Variants in PFKP observed in about 807,000 individuals in gnomAD.
PFKP encodes the protein ATP-dependent 6-phosphofructokinase, platelet type.
A neutral mutation model predicts 94.3 loss-of-function variants in PFKP; 101 were observed. The observed-to-expected ratio is 1.07, with a 90% CI of 0.91 to 1.26. PFKP has a LOEUF of 1.26. PFKP is among the 50% of genes most tolerant of loss of function. PFKP has a pLI of 0.00. For missense variants in PFKP, 1,145 were observed against 1,103.3 expected (o/e 1.04, Z -0.53); for synonymous variants, 573 against 432.6 (o/e 1.32, Z -4.03).
intron 17 of PFKP, among the ~76,000 whole-genome samples, chr10:3,131,420 A>G (rs1838576363): frequency 6.6e-6 from 1 of 152,206 alleles, no homozygotes; most frequent in Non-Finnish European, 1.5e-5. Flanking sequence ...AGCGCTCAGC[A>G]TGGCAAGGGC....
At chr10:3,124,070 G>A (rs1201678504) in intron 16 of PFKP, among the ~76,000 whole-genome samples, 6 of 136,978 alleles carry the variant, frequency 4.4e-5, no homozygotes, top group East Asian at 2.3e-4. Context: ...CCCACTGTCC[G>A]AAGCCCTCGG....
chr10:3,109,454 C>T lies in PFKP; in HGVS notation c.1063C>T (p.Leu355=), dbSNP rs534922571. The part of the protein sequence containing the change: ...VSLNGNHAVR[L]PLMECVQMTQ... ...ACTGAACGGGAACCACGCCGTGCGC[C>T]TGCCGCTGATGGAGTGCGTGCAGAT... The change falls in exon 10 of 22, where the codon CTG becomes TTG. Residue 355 remains leucine, a synonymous_variant. Transcript: ENST00000381125. The T allele has an allele frequency of 9.3e-6, 15 of 1,606,878 alleles. No homozygotes were observed. The highest frequency in any genetic ancestry group is 5.5e-5 in the South Asian group (5 of 91,026).
At chr10:3,124,436 GC>G (rs1456067487) in intron 16 of PFKP, among the ~76,000 whole-genome samples, 7 of 152,202 alleles carry the variant, frequency 4.6e-5, no homozygotes, top group African/African-American at 1.7e-4. Context: ...TGATACCGGA[GC>G]GCATTTCCCA....
intron 10 of PFKP, among the ~76,000 whole-genome samples, chr10:3,110,962 GTGTGTGCA>G (rs1836164900): frequency 6.6e-6 from 1 of 150,922 alleles, no homozygotes; most frequent in Non-Finnish European, 1.5e-5. Flanking sequence ...GCATGTTAGT[GTGTGTGCA>G]TGTGTGTATA....
At position 3,101,546 on chromosome 10, in the gene PFKP, CCAG is replaced by C; in HGVS notation, c.447_449del (p.Arg150del). ...TGGAGTGGGCTGCTGGAGGAGCTGG[CCAG>C]GAACGGTGAGTGGACACCTGCTCCT... On this transcript the variant is annotated inframe_deletion, in exon 4 of 22. Coordinates refer to ENST00000381125, the MANE Select transcript of PFKP (RefSeq NM_002627.5). The C allele has an allele frequency of 2.6e-6, 4 of 1,542,244 alleles. No individual in the cohort carries two copies. Among genetic ancestry groups the C allele is most frequent in the South Asian group, 1.3e-5 (1 of 79,390 alleles).
At position 3,122,699 on chromosome 10, in the gene PFKP, C is replaced by T. The variant is rs530385705; in HGVS notation, c.1683+2655C>T. Among the ~76,000 whole-genome samples the T allele has an allele frequency of 2.6e-5, 4 of 152,324 alleles. No homozygotes were observed. The East Asian group carries it at 5.8e-4, about 22-fold the overall frequency. ...ACCCTCTGTGACTGGTGACTCATGG[C>T]ATGGCCCTGGGCAGCATTTAGGTTT... is the stretch of plus-strand genomic sequence containing the variant. On this transcript the variant is annotated intron_variant, in intron 16 of 21. Coordinates refer to ENST00000381125, the MANE Select transcript of PFKP (RefSeq NM_002627.5).
chr10:3,077,260 TC>T (rs869292159), intron 1 of PFKP, among the ~76,000 whole-genome samples: 2,853 of 116,516 alleles, frequency 0.024, 127 homozygotes, highest in South Asian at 0.038. Context: ...TTTTTTTTTT[TC>T]TTTTTTTTTT....
intron 10 of PFKP, among the ~76,000 whole-genome samples, chr10:3,111,056 A>G (rs1355197854): frequency 2.0e-5 from 3 of 150,632 alleles, no homozygotes; most frequent in African/African-American, 4.9e-5. Context: ...ATGCATGTGT[A>G]TATATGTGTG....
chr10:3,074,748 CA>C (rs1264228200), intron 1 of PFKP, among the ~76,000 whole-genome samples: 1 of 152,074 alleles, frequency 6.6e-6, no homozygotes, highest in Non-Finnish European at 1.5e-5. Flanking sequence ...CTTAGAATAG[CA>C]AAAAGTGGGA....
chr10:3,108,153 G>A (rs912869261), intron 8 of PFKP: 1 of 636,056 alleles, frequency 1.6e-6, no homozygotes, highest in Admixed American at 3.1e-5. Context: ...TAGGACAATG[G>A]ACCGAGAAGG....
intron 4 of PFKP, among the ~76,000 whole-genome samples, chr10:3,102,048 G>T (rs1026594198): frequency 4.7e-5 from 7 of 150,484 alleles, no homozygotes; most frequent in Admixed American, 4.0e-4. Context: ...TCAGGAGATC[G>T]AGACCATCCC....
At chr10:3,133,771 T>C (rs1157991345) in intron 19 of PFKP, among the ~76,000 whole-genome samples, 1 of 152,210 alleles carries the variant, frequency 6.6e-6, no homozygotes, top group Non-Finnish European at 1.5e-5. Context: ...CATCACCAGC[T>C]TTAGGATTCT....
intron 17 of PFKP, among the ~76,000 whole-genome samples, chr10:3,130,317 G>C (rs1180170185): frequency 2.0e-5 from 3 of 152,222 alleles, no homozygotes; most frequent in Admixed American, 2.0e-4. Context: ...GTCTGCGACA[G>C]GCTCTGAAGG....
chr10:3,131,093 A>G (rs1838531078), intron 17 of PFKP, among the ~76,000 whole-genome samples: 1 of 151,998 alleles, frequency 6.6e-6, no homozygotes, highest in Non-Finnish European at 1.5e-5. Flanking sequence ...ATATCTTTTT[A>G]CATATATTTT....
At chr10:3,080,919 G>A (rs1001776009) in intron 1 of PFKP, among the ~76,000 whole-genome samples, 2 of 152,100 alleles carry the variant, frequency 1.3e-5, no homozygotes, top group African/African-American at 2.4e-5. Flanking sequence ...TGTGCTGTTC[G>A]GCAAGAGAGA....
At chr10:3,078,397 G>T (rs1007918194) in intron 1 of PFKP, among the ~76,000 whole-genome samples, 1 of 152,160 alleles carries the variant, frequency 6.6e-6, no homozygotes, top group Non-Finnish European at 1.5e-5. Flanking sequence ...AATGTTCCTG[G>T]GGCTTCCTCA....
At chr10:3,088,777 C>CATTA (rs1833825635) in intron 2 of PFKP, among the ~76,000 whole-genome samples, 1 of 141,018 alleles carries the variant, frequency 7.1e-6, no homozygotes, top group Admixed American at 7.8e-5. Context: ...GCATAGAGTT[C>CATTA]AGAAATATAG....
chr10:3,133,353 T>G (rs779709201), intron 19 of PFKP, 39 bp downstream of exon 19: 1 of 1,210,744 alleles, frequency 8.3e-7, no homozygotes, highest in Non-Finnish European at 1.2e-6. Flanking sequence ...AAAGCCCCTG[T>G]CATGTGACTT....
At chr10:3,133,845 A>AAATGGAAAGCATT (rs1554780861) in intron 19 of PFKP, among the ~76,000 whole-genome samples, 10 of 152,204 alleles carry the variant, frequency 6.6e-5, no homozygotes, top group Non-Finnish European at 1.5e-4. Context: ...GAAAACAGTG[A>AAATGGAAAGCATT]TACCCCCATT....
Sources: allele counts gnomAD v4.1 joint callset (sites outside exome capture counted in the v4.1 genomes callset), GRCh38; gene constraint gnomAD v4.1.1; transcripts MANE v1.5; gene names NCBI Gene and HGNC (gene_info 2026-07-23, HGNC 2026-07-21).